ZBED6: variants seen among roughly 807,000 people sequenced by gnomAD.
ZBED6 encodes the protein zinc finger BED-type containing 6.
In ZBED6, 40 loss-of-function variants were observed where a neutral mutation model predicts 58.4. The ratio of observed to expected loss-of-function variants is 0.68; its 90% CI spans 0.53 to 0.89. The LOEUF is 0.89. Among genes scored for constraint, ZBED6 ranks in the 40% least tolerant of loss-of-function variants. The pLI, the probability that ZBED6 is intolerant of heterozygous loss-of-function variation, is 0.00. For missense variants in ZBED6, 1,057 were observed against 1,003.9 expected, an observed-to-expected ratio of 1.05 and a Z score of -0.71; for synonymous variants, 439 against 350.6, an observed-to-expected ratio of 1.25 and a Z score of -2.82.
At chr1:203,805,895 G>A (rs1437101880) in intron 1 of ZBED6, 9 of 722,846 alleles carry the variant, frequency 1.2e-5, no homozygotes, top group Non-Finnish European at 1.8e-5. Context: ...TTCTCAATCT[G>A]GTCAGTTTTC....
At chr1:203,850,748 C>T (rs1689062701) in intron 15 of ZBED6, 67 bp downstream of exon 15, 1 of 1,553,946 alleles carries the variant, frequency 6.4e-7, no homozygotes, top group Admixed American at 1.9e-5. Flanking sequence ...GACTAACTCT[C>T]CACTAGCATT....
chr1:203,831,917 A>G, intron 8 of ZBED6, 146 bp downstream of exon 8: 1 of 642,154 alleles, frequency 1.6e-6, no homozygotes, highest in Non-Finnish European at 2.7e-6. Context: ...AAAAGTTGGT[A>G]CATTCAACTC....
chr1:203,837,034 G>A (rs1684564385), intron 9 of ZBED6, among the ~76,000 whole-genome samples: 1 of 152,062 alleles, frequency 6.6e-6, no homozygotes, highest in African/African-American at 2.4e-5. Flanking sequence ...GCCTGGCATA[G>A]TGCTGTAATC....
Position 203,847,004 on chromosome 1 carries a change from T to TA in ZBED6, c.*3742-169dup, listed in dbSNP as rs201111472. Among the ~76,000 whole-genome samples the TA allele has an allele frequency of 1.6e-3, 233 of 144,164 alleles. 4 individuals carry two copies. Among genetic ancestry groups the TA allele is most frequent in the Middle Eastern group, 7.3e-3 (2 of 274 alleles). 94.6% of individuals were successfully genotyped at this position (144,164 alleles called of 152,430 possible). A position where few individuals can be genotyped will look rare whatever the true frequency, so the allele number is the denominator to read the frequency against. On this transcript the variant is annotated intron_variant, in intron 11 of 16. Transcript: ENST00000550078. ...TGGGTAACAGAGTGAGACTCTGTCT[T>TA]AAAAAAAAAAAGAAAAAGAAAAAAA...
exon 1 of ZBED6, chr1:203,798,607 A>G (rs1428605208): frequency 6.5e-7 from 1 of 1,536,126 alleles, no homozygotes; most frequent in Non-Finnish European, 8.7e-7. Flanking sequence ...ACAGCTGAGG[A>G]CCTTAGTGAC....
At chr1:203,851,752 C>T (rs895586094) in intron 16 of ZBED6, among the ~76,000 whole-genome samples, 6 of 151,866 alleles carry the variant, frequency 4.0e-5, no homozygotes, top group Admixed American at 2.0e-4. Context: ...CACTTGAGCT[C>T]AGGAGTTCAA....
At chr1:203,850,674 C>G (rs1433412054) in exon 15 of ZBED6, 2 of 1,613,838 alleles carry the variant, frequency 1.2e-6, no homozygotes, top group East Asian at 4.5e-5. Flanking sequence ...GCCAAAAAGG[C>G]AGCTGTGGTA....
rs1571850761 is a variant in ZBED6 at position 203,797,577 on chromosome 1, T to C, written c.55T>C (p.Cys19Arg). 7.8e-6 allele frequency: 12 copies of C among 1,533,294 alleles called. No individual in the cohort carries two copies. In the African/African-American group the frequency reaches 1.1e-4, roughly 14 times the overall value. The allele number at this position is 1,533,294 out of a possible 1,614,324, so 95.0% of individuals were successfully genotyped here. A position where few individuals can be genotyped will look rare whatever the true frequency, so the allele number is the denominator to read the frequency against. Reference sequence around the variant, plus strand: ...TTCTTCACTCTCTCCTGGCAGAAGATGCAACACTTTTAGTGATTCTGGGAT... The same window carrying C: ...TTCTTCACTCTCTCCTGGCAGAAGACGCAACACTTTTAGTGATTCTGGGAT... The change falls in exon 1 of 17, where the codon TGC becomes CGC. Residue 19 changes from cysteine (C) to arginine (R), a missense_variant. Physicochemically the swap from Cys to Arg is radical, Grantham distance 180 (BLOSUM62 -3). Coordinates refer to ENST00000550078, the Ensembl canonical transcript of ZBED6.
At chr1:203,817,046 C>G in exon 2 of ZBED6, 2 of 1,593,854 alleles carry the variant, frequency 1.3e-6, no homozygotes, top group African/African-American at 1.3e-5. Context: ...CAAGAAGCCA[C>G]TTCTGATCTA....
chr1:203,828,589 C>T (rs1419841556), intron 4 of ZBED6, among the ~76,000 whole-genome samples, 167 bp downstream of exon 4: 1 of 152,144 alleles, frequency 6.6e-6, no homozygotes, highest in Non-Finnish European at 1.5e-5. Flanking sequence ...ATGATTTATC[C>T]TTGGCCTTAG....
intron 16 of ZBED6, 112 bp from the exon 17 acceptor site, chr1:203,852,029 T>G: frequency 9.5e-7 from 1 of 1,054,430 alleles, no homozygotes; most frequent in Non-Finnish European, 1.4e-6. Flanking sequence ...AATTATTTCT[T>G]TATGTATGTT....
exon 17 of ZBED6, chr1:203,852,293 TA>T: frequency 6.2e-7 from 1 of 1,613,636 alleles, no homozygotes; most frequent in Non-Finnish European, 8.5e-7. Context: ...TTTGAGAAAC[TA>T]ATATGGGAGA....
At chr1:203,845,454 CGT>C (rs1687627662) in intron 11 of ZBED6, among the ~76,000 whole-genome samples, 1 of 152,156 alleles carries the variant, frequency 6.6e-6, no homozygotes, top group African/African-American at 2.4e-5. Context: ...TAAATACAGT[CGT>C]TGTTCTCATG....
chr1:203,802,138 C>T (rs995017309), exon 1 of ZBED6: 2 of 152,582 alleles, frequency 1.3e-5, no homozygotes, highest in Non-Finnish European at 2.9e-5. Flanking sequence ...CTGCACCACT[C>T]TGTAGTTACT....
chr1:203,838,435 A>G (rs1685043391), intron 10 of ZBED6, among the ~76,000 whole-genome samples: 2 of 152,352 alleles, frequency 1.3e-5, no homozygotes, highest in South Asian at 4.1e-4. Context: ...GACCTAAGAC[A>G]TGAGTTAGAA....
chr1:203,817,358 A>AAACTCTTTTTTTCAGC (rs1553262269), intron 2 of ZBED6, among the ~76,000 whole-genome samples: 1 of 152,124 alleles, frequency 6.6e-6, no homozygotes, highest in Non-Finnish European at 1.5e-5. Context: ...GGCACGTGGC[A>AAACTCTTTTTTTCAGC]TGTAGTCATC....
chr1:203,805,253 T>C (rs12410631), intron 1 of ZBED6, among the ~76,000 whole-genome samples: 7,188 of 150,948 alleles, frequency 0.048, 603 homozygotes, highest in East Asian at 0.4. Flanking sequence ...CCTGCTTCAG[T>C]CTCCCGAGAG....
exon 1 of ZBED6, chr1:203,799,046 G>A (rs752573113): frequency 5.4e-5 from 83 of 1,536,132 alleles, no homozygotes; most frequent in Admixed American, 3.9e-4. Flanking sequence ...TGGAAACTGC[G>A]TCTTTTCTCA....
chr1:203,825,508 C>T (rs2102950898), intron 3 of ZBED6, among the ~76,000 whole-genome samples: 1 of 145,866 alleles, frequency 6.9e-6, no homozygotes, highest in East Asian at 2.1e-4. Flanking sequence ...CATCTTGGCT[C>T]ACTGAAACTT....
Sources: allele counts gnomAD v4.1 joint callset (sites outside exome capture counted in the v4.1 genomes callset), GRCh38; gene constraint gnomAD v4.1.1; transcripts MANE v1.5; gene names NCBI Gene and HGNC (gene_info 2026-07-23, HGNC 2026-07-21).